The following SYS1 variants were observed in gnomAD, a reference collection of about 807,000 sequenced individuals.
The protein encoded by SYS1 is protein SYS1 homolog.
A neutral mutation model predicts 17.8 loss-of-function variants in SYS1; 8 were observed. The ratio of observed to expected loss-of-function variants is 0.45; its 90% CI spans 0.26 to 0.81. The LOEUF (loss-of-function observed/expected upper bound fraction) is 0.81. Ranked by LOEUF, SYS1 falls within the 40% of genes least tolerant of loss-of-function variation. SYS1 has a pLI of 0.16. For synonymous variants in SYS1, 95 were observed against 90.9 expected (o/e 1.05, Z -0.26); for missense variants, 161 against 203.9 (o/e 0.79, Z 1.28).
chr20:45,362,041 A>G (rs1988239862), upstream of SYS1: 1 of 984,812 alleles, frequency 1.0e-6, no homozygotes, highest in Non-Finnish European at 1.2e-6. Context: ...TGAGTTATCG[A>G]TTTGCTCTTG....
intron 2 of SYS1, among the ~76,000 whole-genome samples, chr20:45,364,728 C>T (rs978783393): frequency 2.0e-5 from 3 of 152,062 alleles, no homozygotes; most frequent in African/African-American, 7.2e-5. Flanking sequence ...GCCTCGGCCT[C>T]CCAAAGTGCT....
chr20:45,365,612 C>T lies in SYS1; in HGVS notation c.163-7C>T, dbSNP rs770952072. On this transcript the variant is annotated splice_region_variant and splice_polypyrimidine_tract_variant and intron_variant, in intron 2 of 3. Transcript: ENST00000243918. ...CCAGTATATTTCCATTTGTGATTCCCCCTCAGATCCTGGGCTTTTCCACCC... is the reference window on the plus strand; with the variant it reads ...CCAGTATATTTCCATTTGTGATTCCTCCTCAGATCCTGGGCTTTTCCACCC... The T allele has an allele frequency of 1.1e-5, 18 of 1,614,076 alleles. No individual in the cohort carries two copies. Among genetic ancestry groups the T allele is most frequent in the South Asian group, 8.8e-5 (8 of 91,086 alleles).
downstream of SYS1, among the ~76,000 whole-genome samples, chr20:45,370,298 G>C (rs2743433): frequency 6.6e-6 from 1 of 152,160 alleles, no homozygotes; most frequent in East Asian, 1.9e-4. Context: ...AAGGTACCTA[G>C]ATAAGAGAGT....
At position 45,365,098 on chromosome 20, in the gene SYS1, A is replaced by G. The variant is rs575202594; in HGVS notation, c.163-521A>G. On this transcript the variant is annotated intron_variant, in intron 2 of 3. Coordinates refer to ENST00000243918, the MANE Select transcript of SYS1 (RefSeq NM_033542.4). ...CTGTGGGAATGCCAGGCTTTGTTGAAGAGCCATATGATGCACACAACCTGA... is the reference window on the plus strand; with the variant it reads ...CTGTGGGAATGCCAGGCTTTGTTGAGGAGCCATATGATGCACACAACCTGA... The G allele has an allele frequency of 1.2e-4, 25 of 214,336 alleles. No individual in the cohort carries two copies. The East Asian group carries it at 3.0e-3, about 25-fold the overall frequency. The allele number at this position is 214,336 out of a possible 1,614,324, so 13.3% of individuals were successfully genotyped here.
rs1394295161 is a variant in SYS1 at position 45,367,136 on chromosome 20, C to T, written c.*21C>T. The T allele has an allele frequency of 1.9e-6, 3 of 1,613,074 alleles. No individual in the cohort carries two copies. The highest frequency in any genetic ancestry group is 2.5e-6 in the Non-Finnish European group (3 of 1,179,358). The stretch of plus-strand genomic sequence containing the variant: ...TCTAGAATCAGGCCCTTTGGACATC[C>T]TGCTGACACTTGGGCCCCTTAACAC... On this transcript the variant is annotated 3_prime_UTR_variant, in exon 4 of 4. Coordinates refer to ENST00000243918, the MANE Select transcript of SYS1 (RefSeq NM_033542.4).
chr20:45,369,847 G>A (rs188818459), downstream of SYS1, among the ~76,000 whole-genome samples: 1 of 151,690 alleles, frequency 6.6e-6, no homozygotes, highest in Non-Finnish European at 1.5e-5. Context: ...TCGAACTCCT[G>A]GGCTCAAGAG....
chr20:45,373,778 TG>T, downstream of SYS1: 1 of 713,118 alleles, frequency 1.4e-6, no homozygotes, highest in Non-Finnish European at 2.2e-6. Flanking sequence ...GGCCTCGGGG[TG>T]GGGGTGGGGG....
rs1216027516 is a variant in SYS1 at position 45,366,938 on chromosome 20, C to G, written c.294C>G (p.Val98=). ...AGTGTCTGGATTTCACTGTCACTGT[C>G]CATTTCTTTCACCTCCTGGGCTGCT... ...GKQCLDFTVT[V]HFFHLLGCWF... is the part of the protein sequence containing the mutation. Residue 98 remains valine (V), a synonymous_variant, in exon 4 of 4, where the codon GTC becomes GTG. Coordinates refer to ENST00000243918, the MANE Select transcript of SYS1 (RefSeq NM_033542.4). The G allele has an allele frequency of 1.2e-6, 2 of 1,614,200 alleles. No homozygotes were observed.
At chr20:45,370,893 G>T (rs1280148876), downstream of SYS1, among the ~76,000 whole-genome samples, 1 of 152,160 alleles carries the variant, frequency 6.6e-6, no homozygotes, top group Non-Finnish European at 1.5e-5. Flanking sequence ...GTTTTCTGTT[G>T]TAAAGTAATA....
chr20:45,375,132 C>T, exon 4 of SYS1: 2 of 1,614,146 alleles, frequency 1.2e-6, no homozygotes, highest in Non-Finnish European at 1.7e-6. Context: ...ATCTGCACAT[C>T]ACCCTGGGCG....
chr20:45,374,193 G>A (rs1988647709), downstream of SYS1: 2 of 672,642 alleles, frequency 3.0e-6, no homozygotes, highest in South Asian at 3.3e-5. Context: ...CCTTTCGTGG[G>A]ACTTTCATTC....
At chr20:45,373,943 C>A, downstream of SYS1, 2 of 1,613,894 alleles carry the variant, frequency 1.2e-6, no homozygotes, top group Non-Finnish European at 1.7e-6. Flanking sequence ...ACCCATTCCT[C>A]CCCTTCAGCT....
chr20:45,374,459 A>G (rs1034109859), exon 4 of SYS1: 6 of 571,310 alleles, frequency 1.1e-5, no homozygotes, highest in Middle Eastern at 4.6e-4. Flanking sequence ...TTTTGTAGAG[A>G]CAGTGTCTCA....
intron 2 of SYS1, among the ~76,000 whole-genome samples, chr20:45,364,465 CTTTTTTTTTTT>C (rs386393831): frequency 5.0e-5 from 4 of 80,130 alleles, no homozygotes; most frequent in South Asian, 5.0e-4. Flanking sequence ...GAGCACAGTT[CTTTTTTTTTTT>C]TTTTTTTTTT....
At chr20:45,374,172 C>A, downstream of SYS1, 1 of 684,246 alleles carries the variant, frequency 1.5e-6, no homozygotes, top group Non-Finnish European at 2.6e-6. Context: ...CCGGTGGGCA[C>A]TCACCCCCTT....
downstream of SYS1, chr20:45,372,679 G>C (rs1386825343): frequency 6.6e-6 from 1 of 152,258 alleles, no homozygotes; most frequent in African/African-American, 2.4e-5. Flanking sequence ...TGGGTGGGAA[G>C]ACCGCTGAAA....
chr20:45,363,091 G>T (rs978192097), upstream of SYS1: 6 of 1,000,846 alleles, frequency 6.0e-6, no homozygotes, highest in Non-Finnish European at 7.2e-6. Context: ...TTCAGGCAGA[G>T]GTTGCACCCA....
Position 45,367,888 on chromosome 20 carries a change from A to G in SYS1, c.*773A>G, listed in dbSNP as rs748789016. On this transcript the variant is annotated 3_prime_UTR_variant, in exon 4 of 4. Coordinates refer to ENST00000243918, the MANE Select transcript of SYS1 (RefSeq NM_033542.4). ...GTCTTCTAGGAATGACCAGGCACCC[A>G]GCTCCCACTGGACTCCAATTTTTTT... 13 of 985,680 alleles carry G rather than the reference A, an allele frequency of 1.3e-5. No homozygotes were observed. Among genetic ancestry groups the G allele is most frequent in the Middle Eastern group, 5.2e-4 (1 of 1,936 alleles). The allele number at this position is 985,680 out of a possible 1,614,324, so 61.1% of individuals were successfully genotyped here. A position where few individuals can be genotyped will look rare whatever the true frequency, so the allele number is the denominator to read the frequency against.
chr20:45,368,829 C>T lies in SYS1; in HGVS notation c.*1714C>T, dbSNP rs377053101. On this transcript the variant is annotated 3_prime_UTR_variant, in exon 4 of 4. Coordinates refer to ENST00000243918, the MANE Select transcript of SYS1 (RefSeq NM_033542.4). Reference sequence around the variant, plus strand: ...GCATGTGACTAACTTTGAAAGAACACCCATCATGTGGCTGCTGTCACCCTT... The same window carrying T: ...GCATGTGACTAACTTTGAAAGAACATCCATCATGTGGCTGCTGTCACCCTT... 28 of 985,436 alleles carry T rather than the reference C, an allele frequency of 2.8e-5. No homozygotes were observed. The South Asian group carries it at 4.2e-4, about 15-fold the overall frequency. The allele number at this position is 985,436 out of a possible 1,614,324, so 61.0% of individuals were successfully genotyped here. A position where few individuals can be genotyped will look rare whatever the true frequency, so the allele number is the denominator to read the frequency against.
Sources: allele counts gnomAD v4.1 joint callset (sites outside exome capture counted in the v4.1 genomes callset), GRCh38; gene constraint gnomAD v4.1.1; transcripts MANE v1.5; gene names NCBI Gene and HGNC (gene_info 2026-07-23, HGNC 2026-07-21).